Variants in SLC4A4 observed in about 807,000 individuals in gnomAD.
The protein encoded by SLC4A4 is electrogenic sodium bicarbonate cotransporter 1.
In SLC4A4, 27 loss-of-function variants were observed where a neutral mutation model predicts 111.5. That is an observed-to-expected ratio of 0.24 (90% confidence interval 0.18 to 0.33). The LOEUF (loss-of-function observed/expected upper bound fraction) is 0.33. Ranked by LOEUF, SLC4A4 falls within the 10% of genes least tolerant of loss-of-function variation. The probability of loss-of-function intolerance (pLI) is 1.00; values close to 1 mark genes in which losing one functional copy is unlikely to be tolerated. For synonymous variants in SLC4A4, 443 were observed against 463.4 expected (o/e 0.96, Z 0.57); for missense variants, 909 against 1,315.5 (o/e 0.69, Z 4.78).
In SLC4A4 at chr4:71,560,086, C is replaced by T; in HGVS notation, c.2938-7C>T. ...TTCTTTCATACTTTTAATATTTGCTCTTTCAGATCTTGGCACTTGTAGCTG... is the reference window on the plus strand; with the variant it reads ...TTCTTTCATACTTTTAATATTTGCTTTTTCAGATCTTGGCACTTGTAGCTG... On this transcript the variant is annotated splice_polypyrimidine_tract_variant and splice_region_variant and intron_variant, in intron 22 of 25. Transcript: ENST00000264485. The T allele has an allele frequency of 1.9e-6, 3 of 1,605,460 alleles. No individual in the cohort carries two copies. The highest frequency in any genetic ancestry group is 1.3e-5 in the African/African-American group (1 of 74,752).
At chr4:71,085,034 G>A (rs961291605) in intron 1 of SLC4A4, among the ~76,000 whole-genome samples, 7 of 152,030 alleles carry the variant, frequency 4.6e-5, no homozygotes, top group Admixed American at 3.3e-4. Context: ...GTGTAAAAGT[G>A]TTCCCATTTC....
chr4:71,485,712 G>T (rs1479682483), intron 14 of SLC4A4, among the ~76,000 whole-genome samples: 1 of 149,934 alleles, frequency 6.7e-6, no homozygotes, highest in African/African-American at 2.4e-5. Flanking sequence ...TAGGGCTCAA[G>T]CTAAATATTT....
intron 2 of SLC4A4, among the ~76,000 whole-genome samples, chr4:71,118,631 A>G (rs1264515368): frequency 2.0e-5 from 3 of 152,066 alleles, no homozygotes; most frequent in Admixed American, 2.0e-4. Context: ...TTTTCTGGAA[A>G]TATCTTTATT....
intron 2 of SLC4A4, among the ~76,000 whole-genome samples, chr4:71,125,437 G>T (rs1743534616): frequency 6.6e-6 from 1 of 152,194 alleles, no homozygotes; most frequent in South Asian, 2.1e-4. Flanking sequence ...TAGCTCGGCA[G>T]GGTGGCACAG....
intron 3 of SLC4A4, among the ~76,000 whole-genome samples, chr4:71,290,415 G>A (rs887129255): frequency 6.6e-5 from 10 of 152,222 alleles, no homozygotes; most frequent in African/African-American, 2.4e-4. Flanking sequence ...AACCATGCGA[G>A]GAGAGAATTT....
intron 3 of SLC4A4, among the ~76,000 whole-genome samples, chr4:71,295,007 A>G (rs1278481510): frequency 6.6e-6 from 1 of 152,200 alleles, no homozygotes; most frequent in Non-Finnish European, 1.5e-5. Flanking sequence ...AATTTCAGGC[A>G]TTTAGGTTTA....
chr4:71,241,011 C>G (rs1336313092), intron 2 of SLC4A4, among the ~76,000 whole-genome samples: 1 of 151,838 alleles, frequency 6.6e-6, no homozygotes, highest in East Asian at 1.9e-4. Context: ...CCCAGCTACT[C>G]AGGAGGTTGA....
At chr4:71,310,830 C>T (rs983887357) in intron 3 of SLC4A4, among the ~76,000 whole-genome samples, 4 of 152,150 alleles carry the variant, frequency 2.6e-5, no homozygotes, top group Non-Finnish European at 5.9e-5. Flanking sequence ...TCACACATAA[C>T]AATATTAACC....
chr4:71,511,729 G>T (rs1301389934), intron 16 of SLC4A4, among the ~76,000 whole-genome samples: 1 of 151,958 alleles, frequency 6.6e-6, no homozygotes, highest in Non-Finnish European at 1.5e-5. Flanking sequence ...CCTTCTGTCT[G>T]TATCATTATA....
chr4:71,268,343 C>T (rs1352899834), intron 3 of SLC4A4, among the ~76,000 whole-genome samples: 2 of 152,170 alleles, frequency 1.3e-5, no homozygotes, highest in African/African-American at 4.8e-5. Flanking sequence ...CTGTGACTCA[C>T]GTGATGTAAG....
intron 3 of SLC4A4, among the ~76,000 whole-genome samples, chr4:71,326,007 A>T (rs1458032595): frequency 6.6e-6 from 1 of 151,858 alleles, no homozygotes; most frequent in African/African-American, 2.4e-5. Flanking sequence ...ATATATATTT[A>T]AGTGTGTTTT....
chr4:71,430,337 A>G (rs533742474), intron 7 of SLC4A4, among the ~76,000 whole-genome samples: 1 of 152,172 alleles, frequency 6.6e-6, no homozygotes, highest in Non-Finnish European at 1.5e-5. Context: ...TAGATGGAAG[A>G]TGAGAAAATT....
At chr4:71,093,064 C>T (rs1215368714) in intron 2 of SLC4A4, among the ~76,000 whole-genome samples, 4 of 151,936 alleles carry the variant, frequency 2.6e-5, no homozygotes, top group African/African-American at 9.7e-5. Flanking sequence ...CACTGCACTC[C>T]AGCCTGGGTA....
At chr4:71,279,289 A>G (rs1723312139) in intron 3 of SLC4A4, among the ~76,000 whole-genome samples, 2 of 152,072 alleles carry the variant, frequency 1.3e-5, no homozygotes, top group Admixed American at 1.3e-4. Context: ...GCCTCTGTTG[A>G]GTATGACATT....
intron 6 of SLC4A4, among the ~76,000 whole-genome samples, chr4:71,361,564 GA>G (rs1730793282): frequency 6.6e-6 from 1 of 152,182 alleles, no homozygotes; most frequent in Admixed American, 6.5e-5. Flanking sequence ...GTTGCATGAA[GA>G]AATTAATGAG....
chr4:71,356,913 T>C, intron 5 of SLC4A4, 95 bp from the exon 6 acceptor site: 1 of 1,133,476 alleles, frequency 8.8e-7, no homozygotes. Flanking sequence ...TATCTTGCTA[T>C]TAAATTTGAG....
At position 71,497,450 on chromosome 4, in the gene SLC4A4, T is replaced by G. The variant is rs757614326; in HGVS notation, c.1975-51T>G. On this transcript the variant is annotated intron_variant, in intron 15 of 25. Coordinates refer to ENST00000264485, the MANE Select transcript of SLC4A4 (RefSeq NM_001098484.3). ...TAGCTCATCAAGTATCAAAGGCTGCTTTTTATATGTCAATGTTCTCTAGAA... is the reference window on the plus strand; with the variant it reads ...TAGCTCATCAAGTATCAAAGGCTGCGTTTTATATGTCAATGTTCTCTAGAA... The G allele has an allele frequency of 2.0e-6, 3 of 1,493,366 alleles. No individual in the cohort carries two copies. The South Asian group carries it at 3.5e-5, about 17-fold the overall frequency. 92.5% of individuals were successfully genotyped at this position (1,493,366 alleles called of 1,614,324 possible).
intron 2 of SLC4A4, among the ~76,000 whole-genome samples, chr4:71,178,431 A>G (rs527821365): frequency 6.6e-6 from 1 of 152,288 alleles, no homozygotes; most frequent in South Asian, 2.1e-4. Context: ...GTTTTTTGAA[A>G]AGATCAACAA....
chr4:71,367,278 G>T lies in SLC4A4; in HGVS notation c.730+10091G>T, dbSNP rs1274285412. On this transcript the variant is annotated intron_variant, in intron 6 of 25. Transcript: ENST00000264485. ...AGCCATGGTATCAGTGATAAAATTT[G>T]GGTACCTACATACACATTAGAAGCT... 2.0e-5 allele frequency among the ~76,000 whole-genome samples: 3 copies of T among 152,100 alleles called. No individual in the cohort carries two copies. In the East Asian group the frequency reaches 5.8e-4, roughly 29 times the overall value.
Sources: allele counts gnomAD v4.1 joint callset (sites outside exome capture counted in the v4.1 genomes callset), GRCh38; gene constraint gnomAD v4.1.1; transcripts MANE v1.5; gene names NCBI Gene and HGNC (gene_info 2026-07-23, HGNC 2026-07-21).